The following SIK3 variants were observed in gnomAD, a reference collection of about 807,000 sequenced individuals.
The protein encoded by SIK3 is serine/threonine-protein kinase SIK3.
Under a neutral mutation model 144.2 loss-of-function variants are expected in SIK3, and 28 were observed. The ratio of observed to expected loss-of-function variants is 0.19; its 90% CI spans 0.14 to 0.27. The LOEUF is 0.27. Among genes scored for constraint, SIK3 ranks in the 10% least tolerant of loss-of-function variants. The pLI, the probability that SIK3 is intolerant of heterozygous loss-of-function variation, is 1.00. For synonymous variants in SIK3, 686 were observed against 676.3 expected (o/e 1.01, Z -0.22); for missense variants, 1,319 against 1,776.0 (o/e 0.74, Z 4.62).
intron 1 of SIK3, among the ~76,000 whole-genome samples, chr11:116,996,785 A>C (rs962548702): frequency 1.2e-4 from 16 of 131,474 alleles, no homozygotes; most frequent in African/African-American, 4.6e-4. Flanking sequence ...GCGCCACTAC[A>C]CTCCAGCCTG....
chr11:116,963,355 GT>G (rs1333767050), intron 1 of SIK3, among the ~76,000 whole-genome samples: 4 of 152,148 alleles, frequency 2.6e-5, no homozygotes, highest in Non-Finnish European at 4.4e-5. Flanking sequence ...CTTCAAAGAA[GT>G]TTTGATTATG....
chr11:117,016,154 C>T (rs538531161), intron 1 of SIK3, among the ~76,000 whole-genome samples: 2 of 151,634 alleles, frequency 1.3e-5, no homozygotes, highest in East Asian at 2.0e-4. Context: ...AATGAAACCC[C>T]GTCTTTACAA....
chr11:117,097,209 C>G (rs1184812726), intron 1 of SIK3, among the ~76,000 whole-genome samples: 1 of 152,094 alleles, frequency 6.6e-6, no homozygotes, highest in African/African-American at 2.4e-5. Flanking sequence ...AATTTCACTC[C>G]TATAGCGCCT....
intron 6 of SIK3, 121 bp from the exon 7 acceptor site, chr11:116,877,163 C>A: frequency 1.2e-6 from 1 of 816,314 alleles, no homozygotes; most frequent in Admixed American, 1.9e-5. Context: ...TTTTGTCTCT[C>A]TTGCTCTTTG....
chr11:116,874,985 AAATTTT>A (rs1447129354), intron 11 of SIK3, among the ~76,000 whole-genome samples, 167 bp downstream of exon 11: 6 of 152,220 alleles, frequency 3.9e-5, no homozygotes. Flanking sequence ...TTATTCATTT[AAATTTT>A]AATTGTCTAC....
In SIK3 at chr11:116,867,644, C is replaced by A. The variant is rs370474576; in HGVS notation, c.1952+302G>T. On this transcript the variant is annotated intron_variant, in intron 15 of 24. Transcript: ENST00000445177. The surrounding 1 kb of genome is among the most constrained non-coding windows in gnomAD (Gnocchi z 4.1). ...GGTGGCCTTCTGAGAGTTTCACTTTCTTGCAGGTCTCAAGTTCAATTTTAT... is the reference window on the plus strand; with the variant it reads ...GGTGGCCTTCTGAGAGTTTCACTTTATTGCAGGTCTCAAGTTCAATTTTAT... 272 of 262,754 alleles carry A rather than the reference C, an allele frequency of 1.0e-3. No homozygotes were observed. The Middle Eastern group carries it at 0.014, about 13-fold the overall frequency. The allele number at this position is 262,754 out of a possible 1,614,324, so 16.3% of individuals were successfully genotyped here. A position where few individuals can be genotyped will look rare whatever the true frequency, so the allele number is the denominator to read the frequency against.
At chr11:117,016,414 A>AGGAAGGAAGGAAGGAG (rs1452427721) in intron 1 of SIK3, among the ~76,000 whole-genome samples, 5 of 145,388 alleles carry the variant, frequency 3.4e-5, no homozygotes, top group African/African-American at 1.3e-4. Flanking sequence ...GAAGGAAGGA[A>AGGAAGGAAGGAAGGAG]GGAAGGAAGG....
chr11:117,008,075 CAAAAAAAAAAAA>C (rs59486431), intron 1 of SIK3, among the ~76,000 whole-genome samples: 22 of 54,664 alleles, frequency 4.0e-4, no homozygotes, highest in East Asian at 1.6e-3. Flanking sequence ...GACTCCATCT[CAAAAAAAAAAAA>C]AAAAAAAAAA....
chr11:117,032,702 G>T (rs1372215471), intron 1 of SIK3, among the ~76,000 whole-genome samples: 3 of 149,638 alleles, frequency 2.0e-5, no homozygotes, highest in African/African-American at 7.4e-5. Context: ...AAAGAGATGG[G>T]TTCTCACTAT....
intron 1 of SIK3, among the ~76,000 whole-genome samples, chr11:117,049,892 C>G (rs543053643): frequency 6.6e-6 from 1 of 151,830 alleles, no homozygotes; most frequent in Non-Finnish European, 1.5e-5. Context: ...GCCCAGAGTT[C>G]AAGTTTATAG....
At chr11:116,859,661 G>C (rs903346082) in intron 19 of SIK3, 57 bp from the exon 20 acceptor site, 1 of 1,456,770 alleles carries the variant, frequency 6.9e-7, no homozygotes, top group Admixed American at 1.8e-5. Flanking sequence ...CCAGCCAGAA[G>C]TAATGAGAGC....
At chr11:116,932,673 T>G (rs1000296974) in intron 3 of SIK3, among the ~76,000 whole-genome samples, 1 of 152,228 alleles carries the variant, frequency 6.6e-6, no homozygotes, top group African/African-American at 2.4e-5. Context: ...TGTTCCTCTA[T>G]GCCCCACCAT....
Position 116,867,931 on chromosome 11 carries a change from C to T in SIK3, c.1952+15G>A. On this transcript the variant is annotated intron_variant, in intron 15 of 24. Coordinates refer to ENST00000445177, the MANE Select transcript of SIK3 (RefSeq NM_001366686.3). This position sits in a 1 kb window ranked among gnomAD's most constrained non-coding sequence, Gnocchi z 4.1. ...TGAGCCTCAAGGAGCTCGCACAGCT[C>T]ATGTGGCTACTCACCGATGCTGATC... is the stretch of plus-strand genomic sequence containing the variant. 1.3e-6 allele frequency: 2 copies of T among 1,524,862 alleles called. No individual in the cohort carries two copies. Among genetic ancestry groups the T allele is most frequent in the Non-Finnish European group, 1.8e-6 (2 of 1,133,188 alleles). The allele number at this position is 1,524,862 out of a possible 1,614,324, so 94.5% of individuals were successfully genotyped here. A position where few individuals can be genotyped will look rare whatever the true frequency, so the allele number is the denominator to read the frequency against.
chr11:116,860,814 T>C (rs1335961109), intron 19 of SIK3, among the ~76,000 whole-genome samples: 1 of 152,166 alleles, frequency 6.6e-6, no homozygotes, highest in African/African-American at 2.4e-5. Flanking sequence ...CACGGGGCAG[T>C]TTCCTCCATG....
At chr11:116,954,564 CT>C (rs1246008781) in intron 2 of SIK3, among the ~76,000 whole-genome samples, 2 of 151,372 alleles carry the variant, frequency 1.3e-5, no homozygotes, top group East Asian at 1.9e-4. Context: ...ATATGTCTTT[CT>C]TTTTTTTATA....
chr11:116,848,311 C>A (rs1942161807), intron 22 of SIK3, among the ~76,000 whole-genome samples: 2 of 152,132 alleles, frequency 1.3e-5, no homozygotes, highest in Non-Finnish European at 2.9e-5. Context: ...TGCGCCACTG[C>A]ACTCCAACCT....
intron 3 of SIK3, among the ~76,000 whole-genome samples, chr11:116,930,610 G>C (rs1418570465): frequency 1.3e-5 from 2 of 152,154 alleles, no homozygotes; most frequent in African/African-American, 4.8e-5. Context: ...GTTGAACCTT[G>C]TCAGGATAAA....
intron 1 of SIK3, among the ~76,000 whole-genome samples, chr11:117,065,432 C>G (rs2135973802): frequency 6.6e-6 from 1 of 151,872 alleles, no homozygotes; most frequent in African/African-American, 2.4e-5. Context: ...ATTTTTTTTA[C>G]AGCAAATCAG....
intron 3 of SIK3, among the ~76,000 whole-genome samples, chr11:116,929,048 T>G (rs1328443292): frequency 1.3e-5 from 2 of 152,144 alleles, no homozygotes; most frequent in African/African-American, 4.8e-5. Context: ...AGGCTTCCGG[T>G]GAGGTCTGCT....
Sources: allele counts gnomAD v4.1 joint callset (sites outside exome capture counted in the v4.1 genomes callset), GRCh38; gene constraint gnomAD v4.1.1; non-coding constraint Gnocchi (gnomAD v3.1); transcripts MANE v1.5; gene names NCBI Gene and HGNC (gene_info 2026-07-23, HGNC 2026-07-21).